TMEM132B: variants seen among roughly 807,000 people sequenced by gnomAD.
TMEM132B encodes transmembrane protein 132B.
Under a neutral mutation model 90.8 loss-of-function variants are expected in TMEM132B, and 18 were observed. That is an observed-to-expected ratio of 0.20 (90% confidence interval 0.14 to 0.29). TMEM132B has a LOEUF of 0.29. Ranked by LOEUF, TMEM132B falls within the 10% of genes least tolerant of loss-of-function variation. The pLI is 1.00. For synonymous variants in TMEM132B, 504 were observed against 523.3 expected (o/e 0.96, Z 0.50); for missense variants, 1,096 against 1,326.8 (o/e 0.83, Z 2.70).
chr12:125,365,190 G>T, intron 2 of TMEM132B, among the ~76,000 whole-genome samples: 1 of 151,058 alleles, frequency 6.6e-6, no homozygotes, highest in Non-Finnish European at 1.5e-5. Context: ...CTTTTATATA[G>T]GCTTTTTAGC....
At chr12:125,241,836 T>C (rs2136093195) in intron 1 of TMEM132B, among the ~76,000 whole-genome samples, 1 of 152,302 alleles carries the variant, frequency 6.6e-6, no homozygotes, top group Non-Finnish European at 1.5e-5. Flanking sequence ...TGATGACCAA[T>C]GTGTATAAGT....
Position 125,406,977 on chromosome 12 carries a change from C to CA in TMEM132B, c.960-8553dup, listed in dbSNP as rs1879510210. 6.6e-6 allele frequency among the ~76,000 whole-genome samples: 1 copy of CA among 152,206 alleles called. No homozygotes were observed. Among genetic ancestry groups the CA allele is most frequent in the Non-Finnish European group, 1.5e-5 (1 of 68,046 alleles). ...TTTCCCAGTGGAGTCGTATGGACAGCATTTGCTTCTCCCAGAGCTGATGTG... is the reference window on the plus strand; with the variant it reads ...TTTCCCAGTGGAGTCGTATGGACAGCAATTTGCTTCTCCCAGAGCTGATGTG... On this transcript the variant is annotated intron_variant, in intron 2 of 8. Transcript: ENST00000682704. This position sits in a 1 kb window ranked among gnomAD's most constrained non-coding sequence, Gnocchi z 8.3.
At chr12:125,470,416 G>A in intron 3 of TMEM132B, among the ~76,000 whole-genome samples, 1 of 151,840 alleles carries the variant, frequency 6.6e-6, no homozygotes, top group Admixed American at 6.5e-5. Context: ...GTCTCTCCCT[G>A]CCCTCTCCTG....
At chr12:125,208,533 G>A (rs1873236782) in intron 1 of TMEM132B, among the ~76,000 whole-genome samples, 1 of 152,126 alleles carries the variant, frequency 6.6e-6, no homozygotes, top group Non-Finnish European at 1.5e-5. Flanking sequence ...CATATACATG[G>A]TATCACATAG....
At position 125,492,092 on chromosome 12, in the gene TMEM132B, G is replaced by A. The variant is rs1882367366; in HGVS notation, c.1107-27347G>A. On this transcript the variant is annotated intron_variant, in intron 3 of 8. Coordinates refer to ENST00000682704, the MANE Select transcript of TMEM132B (RefSeq NM_001366854.1). This position sits in a 1 kb window ranked among gnomAD's most constrained non-coding sequence, Gnocchi z 5.8. Reference sequence around the variant, plus strand: ...GGAGGATCAATACTGCTTATGTGGAGTGAAAGTGGCCCATGTCATGGGGAT... The same window carrying A: ...GGAGGATCAATACTGCTTATGTGGAATGAAAGTGGCCCATGTCATGGGGAT... Among the ~76,000 whole-genome samples, 1 of 152,222 alleles carries A rather than the reference G, an allele frequency of 6.6e-6. No individual in the cohort carries two copies. Among genetic ancestry groups the A allele is most frequent in the Non-Finnish European group, 1.5e-5 (1 of 68,050 alleles).
At chr12:125,281,795 G>A (rs534256538) in intron 1 of TMEM132B, among the ~76,000 whole-genome samples, 4 of 152,098 alleles carry the variant, frequency 2.6e-5, no homozygotes, top group African/African-American at 7.2e-5. Context: ...TTGGGAGGCC[G>A]AGGTGGGCGG....
At chr12:125,217,278 G>A (rs1308492110) in intron 1 of TMEM132B, among the ~76,000 whole-genome samples, 1 of 152,174 alleles carries the variant, frequency 6.6e-6, no homozygotes, top group African/African-American at 2.4e-5. Context: ...GAGAGGCCAG[G>A]CTGGGGGCCG....
At chr12:125,590,287 A>G (rs1230499393) in intron 5 of TMEM132B, among the ~76,000 whole-genome samples, 1 of 152,208 alleles carries the variant, frequency 6.6e-6, no homozygotes, top group African/African-American at 2.4e-5. Flanking sequence ...GTTAACTGCT[A>G]CTTGATTGTA....
chr12:125,452,592 C>T lies in TMEM132B; in HGVS notation c.1106+36915C>T, dbSNP rs1881184551. 2.6e-5 allele frequency among the ~76,000 whole-genome samples: 4 copies of T among 152,244 alleles called. No homozygotes were observed. The South Asian group carries it at 8.3e-4, about 32-fold the overall frequency. On this transcript the variant is annotated intron_variant, in intron 3 of 8. Transcript: ENST00000682704. Reference sequence around the variant, plus strand: ...ATGACAGTAGTAGTATATACTCTACCAGTGATGCATAGGAGTTCTCATTTT... The same window carrying T: ...ATGACAGTAGTAGTATATACTCTACTAGTGATGCATAGGAGTTCTCATTTT...
chr12:125,214,223 C>G (rs1174767428), intron 1 of TMEM132B, among the ~76,000 whole-genome samples: 1 of 152,180 alleles, frequency 6.6e-6, no homozygotes, highest in East Asian at 1.9e-4. Flanking sequence ...TCTGGAAAGT[C>G]CTCCTAGGCT....
At chr12:125,595,677 C>G (rs760603272) in intron 5 of TMEM132B, among the ~76,000 whole-genome samples, 5 of 152,194 alleles carry the variant, frequency 3.3e-5, no homozygotes, top group African/African-American at 4.8e-5. Context: ...GACAAGATAT[C>G]TGATGCACAG....
intron 1 of TMEM132B, among the ~76,000 whole-genome samples, chr12:125,193,926 T>C (rs7306302): frequency 0.022 from 3,399 of 152,318 alleles, 128 homozygotes; most frequent in African/African-American, 0.077. Context: ...GTCATCGCTT[T>C]CCTGCTCCAC....
At chr12:125,387,110 T>C (rs1329838820) in intron 2 of TMEM132B, among the ~76,000 whole-genome samples, 2 of 148,714 alleles carry the variant, frequency 1.3e-5, no homozygotes, top group African/African-American at 4.9e-5. Flanking sequence ...CAGAAAGAAG[T>C]CTTCTATCTT....
At chr12:125,244,879 C>T (rs1447616324) in intron 1 of TMEM132B, among the ~76,000 whole-genome samples, 4 of 152,190 alleles carry the variant, frequency 2.6e-5, no homozygotes, top group Admixed American at 1.3e-4. Flanking sequence ...AATGTCTGGC[C>T]AGGGGCCTTT....
intron 1 of TMEM132B, among the ~76,000 whole-genome samples, chr12:125,265,995 G>A (rs781380980): frequency 8.5e-5 from 13 of 152,074 alleles, no homozygotes; most frequent in South Asian, 2.1e-4. Context: ...TTGGGTGGCC[G>A]AGGCAGGTGG....
intron 2 of TMEM132B, among the ~76,000 whole-genome samples, chr12:125,387,793 C>T (rs1468472738): frequency 1.3e-5 from 2 of 151,918 alleles, no homozygotes; most frequent in South Asian, 2.1e-4. Flanking sequence ...TTAATTTATC[C>T]GTTATCCATC....
chr12:125,261,068 A>G (rs1474789188), intron 1 of TMEM132B, among the ~76,000 whole-genome samples: 2 of 152,134 alleles, frequency 1.3e-5, no homozygotes, highest in African/African-American at 4.8e-5. Context: ...TTGTGTTTAC[A>G]TTGGCTGAAT....
chr12:125,331,283 G>A (rs1876763630), intron 1 of TMEM132B, among the ~76,000 whole-genome samples: 2 of 152,236 alleles, frequency 1.3e-5, no homozygotes, highest in Admixed American at 1.3e-4. Context: ...CACAGGACAA[G>A]CTCTGAATTG....
At chr12:125,652,941 A>G (rs1296909124) in intron 8 of TMEM132B, among the ~76,000 whole-genome samples, 2 of 152,212 alleles carry the variant, frequency 1.3e-5, no homozygotes, top group African/African-American at 2.4e-5. Flanking sequence ...ACTTTTGCCA[A>G]AGCAGGTGGT....
Sources: gnomAD v4.1 joint callset for allele counts (sites outside exome capture counted in the v4.1 genomes callset) on GRCh38, gnomAD v4.1.1 for gene constraint, Gnocchi (gnomAD v3.1) non-coding constraint, MANE v1.5 for transcripts, NCBI Gene and HGNC (gene_info 2026-07-23, HGNC 2026-07-21) for gene names.